STAU2: variants seen among roughly 807,000 people sequenced by gnomAD.
STAU2 encodes staufen double-stranded RNA binding protein 2.
STAU2 carries 20 observed loss-of-function variants against 65.9 expected under a neutral mutation model. That is an observed-to-expected ratio of 0.30 (90% confidence interval 0.21 to 0.44). STAU2 has a LOEUF of 0.44. STAU2 is among the 20% of genes least tolerant of loss of function. The pLI, the probability that STAU2 is intolerant of heterozygous loss-of-function variation, is 1.00. For synonymous variants in STAU2, 232 were observed against 233.9 expected (o/e 0.99, Z 0.07); for missense variants, 558 against 683.9 (o/e 0.82, Z 2.05).
rs568173334 is a variant in STAU2, at chr8:73,500,883, A to G, written c.1530+51129T>C. Among the ~76,000 whole-genome samples the G allele has an allele frequency of 4.9e-4, 74 of 152,068 alleles. 1 individual carries two copies. The South Asian group carries it at 8.5e-3, about 17-fold the overall frequency. On this transcript the variant is annotated intron_variant, in intron 13 of 14. Transcript: ENST00000524300. Reference sequence around the variant, plus strand: ...CAATTTTCTCACATTCTGCTAAACAAGGAGATGAATGGTTAGAGGCTAAAA... The same window carrying G: ...CAATTTTCTCACATTCTGCTAAACAGGGAGATGAATGGTTAGAGGCTAAAA...
intron 12 of STAU2, among the ~76,000 whole-genome samples, chr8:73,571,997 C>T (rs986309870): frequency 1.2e-4 from 18 of 151,928 alleles, no homozygotes; most frequent in South Asian, 6.2e-4. Flanking sequence ...ATTGATAGAC[C>T]GCTAGCAAGA....
intron 9 of STAU2, among the ~76,000 whole-genome samples, chr8:73,609,583 G>A (rs1812293922): frequency 6.6e-6 from 1 of 152,082 alleles, no homozygotes; most frequent in Non-Finnish European, 1.5e-5. Flanking sequence ...GAACCCAGGA[G>A]GTGGAGGTTG....
intron 10 of STAU2, among the ~76,000 whole-genome samples, chr8:73,602,966 T>C (rs1159812352): frequency 6.6e-6 from 1 of 152,118 alleles, no homozygotes; most frequent in Admixed American, 6.6e-5. Flanking sequence ...GAAAAATTAA[T>C]AGCTGAATCA....
intron 11 of STAU2, among the ~76,000 whole-genome samples, chr8:73,585,117 A>T (rs1020457413): frequency 1.3e-5 from 2 of 152,102 alleles, no homozygotes; most frequent in African/African-American, 4.8e-5. Context: ...ATTTTTAATA[A>T]GTGGAATTAA....
At chr8:73,589,220 G>T (rs749800544) in intron 11 of STAU2, among the ~76,000 whole-genome samples, 1 of 152,076 alleles carries the variant, frequency 6.6e-6, no homozygotes, top group Non-Finnish European at 1.5e-5. Context: ...TGCAACCCTC[G>T]ATCCAAAAAG....
chr8:73,671,760 C>T (rs964999585), intron 6 of STAU2, among the ~76,000 whole-genome samples: 3 of 152,196 alleles, frequency 2.0e-5, no homozygotes, highest in Non-Finnish European at 2.9e-5. Context: ...CAGGGGCTAA[C>T]GCCTGTAATC....
Position 73,699,860 on chromosome 8 carries a change from C to CAAAAAA in STAU2, c.114+9166_114+9171dup, listed in dbSNP as rs201419278. Among the ~76,000 whole-genome samples, 828 of 88,572 alleles carry CAAAAAA rather than the reference C, an allele frequency of 9.3e-3. 27 individuals are homozygous for CAAAAAA. Among genetic ancestry groups the CAAAAAA allele is most frequent in the African/African-American group, 0.023 (540 of 23,940 alleles). The allele number at this position is 88,572 out of a possible 152,430, so 58.1% of individuals were successfully genotyped here. ...CTGATACCAAAAACCAAACACACATCAAAAAAAAAAAAAAAAAAACCTACA... is the reference window on the plus strand; with the variant it reads ...CTGATACCAAAAACCAAACACACATCAAAAAAAAAAAAAAAAAAAAAAAAACCTACA... On this transcript the variant is annotated intron_variant, in intron 4 of 14. Transcript: ENST00000524300.
chr8:73,595,814 A>G (rs1381173441), intron 10 of STAU2, among the ~76,000 whole-genome samples: 3 of 152,144 alleles, frequency 2.0e-5, no homozygotes, highest in Admixed American at 6.6e-5. Context: ...CTACAACATT[A>G]TGATTAAAAA....
chr8:73,574,311 C>G (rs190309114), intron 12 of STAU2, among the ~76,000 whole-genome samples: 51 of 152,304 alleles, frequency 3.3e-4, no homozygotes, highest in African/African-American at 1.1e-3. Context: ...GTAGGTGGGA[C>G]TGTAAACTAG....
intron 12 of STAU2, among the ~76,000 whole-genome samples, chr8:73,564,877 C>T (rs933641637): frequency 3.3e-5 from 5 of 152,150 alleles, no homozygotes; most frequent in African/African-American, 9.7e-5. Context: ...ATTAGGTTCA[C>T]TGGCAGGTCT....
chr8:73,570,503 G>T (rs1012885258), intron 12 of STAU2, among the ~76,000 whole-genome samples: 11 of 152,300 alleles, frequency 7.2e-5, no homozygotes, highest in Middle Eastern at 3.4e-3. Context: ...CGGGAAGAAC[G>T]GAACCAAGTT....
chr8:73,516,386 A>T (rs1822729452), intron 13 of STAU2, among the ~76,000 whole-genome samples: 1 of 152,036 alleles, frequency 6.6e-6, no homozygotes, highest in Non-Finnish European at 1.5e-5. Flanking sequence ...CACATATTAA[A>T]TTATGTGAAA....
chr8:73,716,728 ATTTT>A (rs565320605), intron 3 of STAU2, among the ~76,000 whole-genome samples: 1 of 151,142 alleles, frequency 6.6e-6, no homozygotes, highest in Non-Finnish European at 1.5e-5. Context: ...TTTACTTTTG[ATTTT>A]TTTTTCTTAT....
At chr8:73,696,456 T>G (rs943372657) in intron 4 of STAU2, among the ~76,000 whole-genome samples, 3 of 152,158 alleles carry the variant, frequency 2.0e-5, no homozygotes, top group African/African-American at 7.2e-5. Context: ...GAATTCAAAA[T>G]AGCTGTTTTG....
intron 13 of STAU2, among the ~76,000 whole-genome samples, chr8:73,538,328 T>C (rs1027458020): frequency 6.6e-6 from 1 of 152,174 alleles, no homozygotes; most frequent in African/African-American, 2.4e-5. Context: ...AATCCCTTTT[T>C]AAGGGCCATT....
At chr8:73,599,768 T>C (rs1419031626) in intron 10 of STAU2, among the ~76,000 whole-genome samples, 1 of 151,972 alleles carries the variant, frequency 6.6e-6, no homozygotes, top group Non-Finnish European at 1.5e-5. Context: ...TTTCCAACAG[T>C]ACTTTTTTTT....
At position 73,420,656 on chromosome 8, in the gene STAU2, TAC is replaced by T; in HGVS notation, c.*714_*715del. The stretch of plus-strand genomic sequence containing the variant: ...GATATATAGGGGCAAGACGCCCCCT[TAC>T]TTGCTAAGAGTATATGGAGCTCAAA... On this transcript the variant is annotated 3_prime_UTR_variant, in exon 15 of 15. Transcript: ENST00000524300. 6.1e-6 allele frequency: 1 copy of T among 164,760 alleles called. No homozygotes were observed. The highest frequency in any genetic ancestry group is 5.8e-5 in the Admixed American group (1 of 17,356). The allele number at this position is 164,760 out of a possible 1,614,324, so 10.2% of individuals were successfully genotyped here.
At chr8:73,502,850 G>A (rs774669297) in intron 13 of STAU2, among the ~76,000 whole-genome samples, 8 of 151,882 alleles carry the variant, frequency 5.3e-5, no homozygotes, top group African/African-American at 1.9e-4. Flanking sequence ...AATCCACATG[G>A]GCACATATTG....
intron 5 of STAU2, among the ~76,000 whole-genome samples, chr8:73,681,317 T>G (rs1586258799): frequency 6.6e-6 from 1 of 152,302 alleles, no homozygotes; most frequent in South Asian, 2.1e-4. Flanking sequence ...ATCTTTAGCC[T>G]CCTTAAATAA....
Sources: allele counts gnomAD v4.1 joint callset (sites outside exome capture counted in the v4.1 genomes callset), GRCh38; gene constraint gnomAD v4.1.1; transcripts MANE v1.5; gene names NCBI Gene and HGNC (gene_info 2026-07-23, HGNC 2026-07-21).